ZNF592: variants seen among roughly 807,000 people sequenced by gnomAD.
ZNF592 encodes the protein zinc finger protein 592, also known as spinocerebellar ataxia, autosomal recessive 5.
ZNF592 carries 11 observed loss-of-function variants against 80.3 expected under a neutral mutation model. The observed-to-expected ratio is 0.14, with a 90% CI of 0.09 to 0.23. The LOEUF (loss-of-function observed/expected upper bound fraction) is 0.23, where lower values mean the gene tolerates loss of function less well. Ranked by LOEUF, ZNF592 falls within the 10% of genes least tolerant of loss-of-function variation. The probability of loss-of-function intolerance (pLI) is 1.00; values close to 1 mark genes in which losing one functional copy is unlikely to be tolerated. For missense variants in ZNF592, 1,420 were observed against 1,633.9 expected (o/e 0.87, Z 2.26); for synonymous variants, 646 against 640.3 (o/e 1.01, Z -0.13).
At chr15:84,762,684 G>A (rs1899386567) in intron 1 of ZNF592, among the ~76,000 whole-genome samples, 1 of 152,160 alleles carries the variant, frequency 6.6e-6, no homozygotes, top group Non-Finnish European at 1.5e-5. Context: ...GTGAGTAGGA[G>A]ACTTCAGCTG....
chr15:84,800,015 CAGTGAGGCTTGG>C, intron 10 of ZNF592, 38 bp downstream of exon 10: 1 of 1,613,898 alleles, frequency 6.2e-7, no homozygotes, highest in Non-Finnish European at 8.5e-7. Context: ...GCTGGCTGCT[CAGTGAGGCTTGG>C]AGCTGGAAGG....
intron 1 of ZNF592, among the ~76,000 whole-genome samples, chr15:84,762,131 A>T (rs1016374223): frequency 2.6e-4 from 40 of 152,218 alleles, no homozygotes; most frequent in Non-Finnish European, 1.5e-4. Context: ...ATGGTCTGCT[A>T]TGTGCCAGGC....
intron 1 of ZNF592, among the ~76,000 whole-genome samples, chr15:84,755,370 A>C (rs1314605561): frequency 6.6e-6 from 1 of 151,968 alleles, no homozygotes; most frequent in African/African-American, 2.4e-5. Flanking sequence ...GGGCTCAAGC[A>C]ATCCTCCTGC....
At chr15:84,769,206 G>A (rs142512832) in intron 2 of ZNF592, among the ~76,000 whole-genome samples, 2 of 152,238 alleles carry the variant, frequency 1.3e-5, no homozygotes, top group African/African-American at 4.8e-5. Context: ...CTCCCAAAGT[G>A]CTGGAATTAT....
Position 84,783,617 on chromosome 15 carries a change from C to G in ZNF592, c.942C>G (p.Pro314=). The G allele has an allele frequency of 6.2e-7, 1 of 1,614,196 alleles. No individual in the cohort carries two copies. The highest frequency in any genetic ancestry group is 8.5e-7 in the Non-Finnish European group (1 of 1,180,034). ...QPGHTKDLSG[P]TKESSKGSPK... is the part of the protein sequence containing the mutation. ...GCCACACAAAGGATCTCTCAGGGCC[C>G]ACTAAAGAGAGTTCTAAAGGTAGCC... Residue 314 remains proline, a synonymous_variant, in exon 4 of 11, where the codon CCC becomes CCG. Transcript: ENST00000560079. The surrounding 1 kb of genome is among the most constrained non-coding windows in gnomAD (Gnocchi z 5.0).
chr15:84,771,952 C>T (rs1258634461), intron 2 of ZNF592, among the ~76,000 whole-genome samples: 11 of 152,118 alleles, frequency 7.2e-5, no homozygotes, highest in Non-Finnish European at 1.5e-4. Context: ...GATTAATTTG[C>T]CCAGCTGTTG....
At chr15:84,801,811 G>A (rs567978651) in intron 10 of ZNF592, 52 bp from the exon 11 acceptor site, 2 of 1,613,678 alleles carry the variant, frequency 1.2e-6, no homozygotes, top group Middle Eastern at 1.6e-4. Flanking sequence ...ATGTCTAGGG[G>A]CTCATGTCCA....
At position 84,783,886 on chromosome 15, in the gene ZNF592, C is replaced by T; in HGVS notation, c.1211C>T (p.Ser404Phe). 1 of 1,614,180 alleles carries T rather than the reference C, an allele frequency of 6.2e-7. No homozygotes were observed. Among genetic ancestry groups the T allele is most frequent in the Non-Finnish European group, 8.5e-7 (1 of 1,180,000 alleles). The change falls in exon 4 of 11, where the codon TCC (serine) becomes TTC (phenylalanine). Residue 404 changes from serine to phenylalanine, a missense_variant. Ser to Phe is a radical substitution (Grantham distance 155). Coordinates refer to ENST00000560079, the MANE Select transcript of ZNF592 (RefSeq NM_014630.3). The surrounding 1 kb of genome is among the most constrained non-coding windows in gnomAD (Gnocchi z 5.0). ...CCAGATCCTGATGATCCAAGTAAGT[C>T]CCCTGTTGGGTCACCTCTAGGGAGC... is the stretch of plus-strand genomic sequence containing the variant. ...ILPDPDDPSKSPVGSPLGSAI... is the reference protein window; with the variant it reads ...ILPDPDDPSKFPVGSPLGSAI...
chr15:84,767,351 G>A (rs968128305), intron 2 of ZNF592, among the ~76,000 whole-genome samples: 13 of 152,186 alleles, frequency 8.5e-5, no homozygotes, highest in African/African-American at 2.9e-4. Flanking sequence ...GGTCCTTTGC[G>A]TCGGAAGTTG....
In ZNF592 at chr15:84,798,690, C is replaced by T. The variant is rs540828894; in HGVS notation, c.2839C>T (p.Pro947Ser). 3 of 1,613,778 alleles carry T rather than the reference C, an allele frequency of 1.9e-6. No homozygotes were observed. The highest frequency in any genetic ancestry group is 4.5e-5 in the East Asian group (2 of 44,884). Residue 947 changes from proline to serine, a missense_variant, in exon 8 of 11, where the codon CCA (proline) becomes TCA (serine). Pro to Ser is a moderately conservative substitution (Grantham distance 74). Coordinates refer to ENST00000560079, the MANE Select transcript of ZNF592 (RefSeq NM_014630.3). The surrounding 1 kb of genome is among the most constrained non-coding windows in gnomAD (Gnocchi z 4.5). ...RPGSRVPTEP[P>S]ATSVAARSSS... ...TGGCTCTCGAGTTCCCACTGAGCCACCAGCCACTAGTGTGGCTGCTCGGAG... is the reference window on the plus strand; with the variant it reads ...TGGCTCTCGAGTTCCCACTGAGCCATCAGCCACTAGTGTGGCTGCTCGGAG...
At chr15:84,767,246 G>C (rs568768596) in intron 2 of ZNF592, among the ~76,000 whole-genome samples, 1 of 152,010 alleles carries the variant, frequency 6.6e-6, no homozygotes, top group Admixed American at 6.6e-5. Context: ...GGGTGGTCTC[G>C]AACTCCTGAG....
In ZNF592 at chr15:84,783,446, G is replaced by C. The variant is rs989833841; in HGVS notation, c.771G>C (p.Gly257=). 4.3e-6 allele frequency: 7 copies of C among 1,614,062 alleles called. No individual in the cohort carries two copies. In the African/African-American group the frequency reaches 6.7e-5, roughly 15 times the overall value. ...GCAACAGTATTGGAGAGTCCAAGGGGCTTGCCCGGGAGCTTGGTACCTGCT... is the reference window on the plus strand; with the variant it reads ...GCAACAGTATTGGAGAGTCCAAGGGCCTTGCCCGGGAGCTTGGTACCTGCT... ...HPSNSIGESK[G]LARELGTCSS... The change falls in exon 4 of 11, where the codon GGG becomes GGC. Residue 257 remains glycine, a synonymous_variant. Transcript: ENST00000560079. The surrounding 1 kb of genome is among the most constrained non-coding windows in gnomAD (Gnocchi z 5.0).
Position 84,799,008 on chromosome 15 carries a change from T to G in ZNF592, c.3025-90T>G. 6.3e-7 allele frequency: 1 copy of G among 1,592,228 alleles called. No homozygotes were observed. The highest frequency in any genetic ancestry group is 1.1e-5 in the South Asian group (1 of 90,602). On this transcript the variant is annotated intron_variant, in intron 8 of 10. Coordinates refer to ENST00000560079, the MANE Select transcript of ZNF592 (RefSeq NM_014630.3). This position sits in a 1 kb window ranked among gnomAD's most constrained non-coding sequence, Gnocchi z 4.2. ...GATCTTGAGGTCTTCGGGAGTATCC[T>G]CCTTTCTGCCCATGGCATCTGAGAA...
At chr15:84,765,642 C>T (rs1899493450) in intron 2 of ZNF592, among the ~76,000 whole-genome samples, 1 of 148,578 alleles carries the variant, frequency 6.7e-6, no homozygotes, top group Non-Finnish European at 1.5e-5. Flanking sequence ...GGGTTCATGC[C>T]ATTCTCCTGC....
intron 1 of ZNF592, among the ~76,000 whole-genome samples, chr15:84,750,956 G>A (rs1228809050): frequency 1.3e-5 from 2 of 152,160 alleles, no homozygotes; most frequent in African/African-American, 4.8e-5. Flanking sequence ...GGGTTTAAGG[G>A]AATGACATGA....
Position 84,783,397 on chromosome 15 carries a change from C to T in ZNF592, c.722C>T (p.Ala241Val), listed in dbSNP as rs775435189. Residue 241 changes from alanine (A) to valine (V), a missense_variant, in exon 4 of 11, where the codon GCT becomes GTT. Transcript: ENST00000560079. This position sits in a 1 kb window ranked among gnomAD's most constrained non-coding sequence, Gnocchi z 5.0. ...DPDATRFFGEALEFNSHPSNS... is the reference protein window; with the variant it reads ...DPDATRFFGEVLEFNSHPSNS... ...GATGCCACTCGATTCTTCGGGGAAG[C>T]TTTGGAGTTCAACAGCCATCCTAGC... The T allele has an allele frequency of 6.2e-7, 1 of 1,614,204 alleles. No homozygotes were observed. The highest frequency in any genetic ancestry group is 1.3e-5 in the African/African-American group (1 of 75,048).
intron 3 of ZNF592, among the ~76,000 whole-genome samples, chr15:84,780,611 G>A (rs1962393158): frequency 6.6e-6 from 1 of 152,294 alleles, no homozygotes; most frequent in East Asian, 1.9e-4. Context: ...GGGAGGGAGT[G>A]AGTTTTCATT....
At position 84,806,081 on chromosome 15, in the gene ZNF592, T is replaced by C. The variant is rs1963227737; in HGVS notation, c.*3688T>C. 1 of 152,622 alleles carries C rather than the reference T, an allele frequency of 6.6e-6. No homozygotes were observed. 9.5% of individuals were successfully genotyped at this position (152,622 alleles called of 1,614,324 possible). A position where few individuals can be genotyped will look rare whatever the true frequency, so the allele number is the denominator to read the frequency against. On this transcript the variant is annotated 3_prime_UTR_variant, in exon 11 of 11. Coordinates refer to ENST00000560079, the MANE Select transcript of ZNF592 (RefSeq NM_014630.3). ...AAAAGTTCCTTGCATATAACAGTGA[T>C]TCAAAAAGTATATGGATGAATGAGT...
At chr15:84,773,549 T>A (rs936183835) in intron 2 of ZNF592, among the ~76,000 whole-genome samples, 1 of 152,138 alleles carries the variant, frequency 6.6e-6, no homozygotes, top group Admixed American at 6.5e-5. Context: ...AAAGGCCAGT[T>A]CAGAGAGGGG....
Sources: gnomAD v4.1 joint callset for allele counts (sites outside exome capture counted in the v4.1 genomes callset) on GRCh38, gnomAD v4.1.1 for gene constraint, Gnocchi (gnomAD v3.1) non-coding constraint, MANE v1.5 for transcripts, NCBI Gene and HGNC (gene_info 2026-07-23, HGNC 2026-07-21) for gene names.